The following TMEM114 variants were observed in gnomAD, a reference collection of about 807,000 sequenced individuals.
The protein encoded by TMEM114 is claudin-26.
TMEM114 carries 6 observed loss-of-function variants against 6.2 expected under a neutral mutation model. The ratio of observed to expected loss-of-function variants is 0.97; its 90% CI spans 0.53 to 1.91. TMEM114 has a LOEUF of 1.91. TMEM114 is among the 40% of genes most tolerant of loss of function. The pLI, the probability that TMEM114 is intolerant of heterozygous loss-of-function variation, is 0.01. For missense variants in TMEM114, 218 were observed against 158.3 expected (o/e 1.38, Z -2.02); for synonymous variants, 104 against 73.0 (o/e 1.42, Z -2.16).
downstream of TMEM114, among the ~76,000 whole-genome samples, chr16:8,568,325 ATGAC>A (rs1480452033): frequency 1.3e-5 from 2 of 152,102 alleles, no homozygotes; most frequent in Non-Finnish European, 2.9e-5. Context: ...TGTTTGTTGA[ATGAC>A]TGACTGACCG....
intron 2 of TMEM114, among the ~76,000 whole-genome samples, chr16:8,588,307 C>T (rs1902378535): frequency 6.6e-6 from 1 of 151,696 alleles, no homozygotes; most frequent in South Asian, 2.1e-4. Flanking sequence ...AAAAAACCTG[C>T]CCACATTTTC....
chr16:8,589,180 C>A (rs1902406446), intron 2 of TMEM114, 33 bp downstream of exon 2: 2 of 398,468 alleles, frequency 5.0e-6, no homozygotes, highest in African/African-American at 2.1e-5. Flanking sequence ...AGGACCGGGG[C>A]GCTCCCTCCA....
the TMEM114 span, among the ~76,000 whole-genome samples, chr16:8,529,614 C>A: frequency 1.3e-5 from 2 of 152,016 alleles, no homozygotes; most frequent in South Asian, 2.1e-4. Context: ...ACCCAGGAAC[C>A]TACATTGATA....
At chr16:8,527,170 G>A in the TMEM114 span, among the ~76,000 whole-genome samples, 21 of 152,168 alleles carry the variant, frequency 1.4e-4, no homozygotes, top group Non-Finnish European at 2.6e-4. Context: ...TCATGCCACT[G>A]CACTCCATCC....
rs144991552 is a variant in TMEM114, at chr16:8,579,145, A to T, written c.302-6921T>A. On this transcript the variant is annotated intron_variant, in intron 2 of 3. Coordinates refer to ENST00000620492, the MANE Select transcript of TMEM114 (RefSeq NM_001146336.2). Reference sequence around the variant, plus strand: ...TGTTCACACCAAAAACAAACAGAAAAAGTGTTTGTGACTGCTTCATTATCA... The same window carrying T: ...TGTTCACACCAAAAACAAACAGAAATAGTGTTTGTGACTGCTTCATTATCA... Among the ~76,000 whole-genome samples, 795 of 152,202 alleles carry T rather than the reference A, an allele frequency of 5.2e-3. 11 individuals carry two copies. Among genetic ancestry groups the T allele is most frequent in the African/African-American group, 0.018 (763 of 41,524 alleles).
chr16:8,553,643 G>A (rs1389310644), intron 2 of TMEM114, among the ~76,000 whole-genome samples: 2 of 152,046 alleles, frequency 1.3e-5, no homozygotes, highest in Admixed American at 6.5e-5. Context: ...CTGCCATCAC[G>A]CCTCCTATTT....
chr16:8,559,037 C>T (rs908245991), intron 2 of TMEM114, among the ~76,000 whole-genome samples: 16 of 149,606 alleles, frequency 1.1e-4, no homozygotes, highest in African/African-American at 3.7e-4. Context: ...GCCACTGCAC[C>T]CGGCCTCTTT....
intron 2 of TMEM114, among the ~76,000 whole-genome samples, chr16:8,562,364 GTGAA>G (rs1315955195): frequency 6.6e-6 from 1 of 150,882 alleles, no homozygotes; most frequent in Non-Finnish European, 1.5e-5. Context: ...GAATTAGTGA[GTGAA>G]TGAATGAGTG....
chr16:8,554,256 A>AG (rs1191043403), intron 2 of TMEM114, among the ~76,000 whole-genome samples: 7 of 132,326 alleles, frequency 5.3e-5, no homozygotes, highest in South Asian at 2.3e-4. Flanking sequence ...ATGTGATTTC[A>AG]GGGAAAAAAA....
At chr16:8,544,974 T>C (rs142870452) in intron 2 of TMEM114, among the ~76,000 whole-genome samples, 1 of 152,176 alleles carries the variant, frequency 6.6e-6, no homozygotes, top group East Asian at 1.9e-4. Flanking sequence ...TATCTTATCT[T>C]GTGAGGCTTG....
chr16:8,541,178 C>T (rs936834248), intron 2 of TMEM114, among the ~76,000 whole-genome samples: 3 of 152,094 alleles, frequency 2.0e-5, no homozygotes, highest in African/African-American at 7.2e-5. Context: ...CATGACAATA[C>T]CATGAAGTTG....
At chr16:8,528,319 G>C in the TMEM114 span, among the ~76,000 whole-genome samples, 1 of 152,160 alleles carries the variant, frequency 6.6e-6, no homozygotes, top group Admixed American at 6.6e-5. Flanking sequence ...GGAGGAAGAT[G>C]CATCTCACGT....
chr16:8,573,921 C>T (rs1054502379), intron 2 of TMEM114, among the ~76,000 whole-genome samples: 4 of 152,116 alleles, frequency 2.6e-5, no homozygotes, highest in African/African-American at 9.7e-5. Context: ...ACAATTGTAT[C>T]CCTGAGTTTC....
At chr16:8,551,554 AAGAG>A (rs1468023384) in intron 2 of TMEM114, among the ~76,000 whole-genome samples, 2 of 152,230 alleles carry the variant, frequency 1.3e-5, no homozygotes, top group South Asian at 2.1e-4. Context: ...GGCCAAAGCA[AAGAG>A]AGAAAGTCCA....
intron 2 of TMEM114, among the ~76,000 whole-genome samples, chr16:8,543,242 A>G (rs1222311473): frequency 1.3e-5 from 2 of 152,134 alleles, no homozygotes; most frequent in African/African-American, 2.4e-5. Flanking sequence ...GCACTTGTTC[A>G]TTTTTAAACA....
In TMEM114 at chr16:8,564,172, A is replaced by G. The variant is rs983143409; in HGVS notation, n.212+25041T>C. The stretch of plus-strand genomic sequence containing the variant: ...GAATGAGTTAGTGAATGAGTGAGTA[A>G]ATGAGTGAGTGAGTGCATGAATGAG... On this transcript the variant is annotated intron_variant and non_coding_transcript_variant, in intron 2 of 2. Transcript: ENST00000623677. Among the ~76,000 whole-genome samples the G allele has an allele frequency of 3.6e-4, 55 of 151,344 alleles. 2 individuals are homozygous for G. Among genetic ancestry groups the G allele is most frequent in the Middle Eastern group, 3.4e-3 (1 of 292 alleles).
At chr16:8,532,623 G>A (rs935993034), downstream of TMEM114, among the ~76,000 whole-genome samples, 1 of 152,160 alleles carries the variant, frequency 6.6e-6, no homozygotes, top group African/African-American at 2.4e-5. Flanking sequence ...TATCATTAGT[G>A]CTCAAGAAAT....
downstream of TMEM114, among the ~76,000 whole-genome samples, chr16:8,568,570 G>A (rs1167676679): frequency 6.6e-6 from 1 of 152,166 alleles, no homozygotes; most frequent in East Asian, 1.9e-4. Context: ...TTGACGTCAT[G>A]GTGATGATGA....
intron 2 of TMEM114, among the ~76,000 whole-genome samples, chr16:8,560,330 C>T (rs571808789): frequency 1.3e-5 from 2 of 152,094 alleles, no homozygotes; most frequent in South Asian, 4.2e-4. Flanking sequence ...CCTTGACCTC[C>T]CTGAGTTTCT....
Sources: allele counts gnomAD v4.1 joint callset (sites outside exome capture counted in the v4.1 genomes callset), GRCh38; gene constraint gnomAD v4.1.1; transcripts MANE v1.5; gene names NCBI Gene and HGNC (gene_info 2026-07-23, HGNC 2026-07-21).